The following ITGB5 variants were observed in gnomAD, a reference collection of about 807,000 sequenced individuals.
ITGB5 encodes integrin subunit beta 5.
Under a neutral mutation model 84.8 loss-of-function variants are expected in ITGB5, and 38 were observed. That is an observed-to-expected ratio of 0.45 (90% CI 0.35 to 0.59). The LOEUF is 0.59. Among genes scored for constraint, ITGB5 ranks in the 20% least tolerant of loss-of-function variants. ITGB5 has a pLI of 0.01. For missense variants in ITGB5, 905 were observed against 1,034.5 expected (o/e 0.87, Z 1.72); for synonymous variants, 393 against 414.4 (o/e 0.95, Z 0.63).
At chr3:124,846,740 C>A (rs769641757) in intron 4 of ITGB5, among the ~76,000 whole-genome samples, 2 of 152,150 alleles carry the variant, frequency 1.3e-5, no homozygotes, top group Non-Finnish European at 2.9e-5. Context: ...TCAAGACCAG[C>A]CTGGCCAACA....
chr3:124,803,422 G>T (rs1246969095), intron 9 of ITGB5, among the ~76,000 whole-genome samples: 1 of 152,160 alleles, frequency 6.6e-6, no homozygotes, highest in Non-Finnish European at 1.5e-5. Flanking sequence ...TTATAAAGCT[G>T]CTGTAAGAGG....
At chr3:124,793,762 T>G (rs2064182477) in intron 10 of ITGB5, among the ~76,000 whole-genome samples, 1 of 152,236 alleles carries the variant, frequency 6.6e-6, no homozygotes, top group Non-Finnish European at 1.5e-5. Context: ...CTATCATCAC[T>G]CTGCTGAGGA....
At chr3:124,866,230 G>C (rs1846612) in intron 2 of ITGB5, among the ~76,000 whole-genome samples, 1 of 151,802 alleles carries the variant, frequency 6.6e-6, no homozygotes, top group Non-Finnish European at 1.5e-5. Context: ...TGATCCACCC[G>C]CTTCAGCCTC....
At chr3:124,764,589 C>T in intron 13 of ITGB5, 32 bp from the exon 14 acceptor site, 2 of 1,584,098 alleles carry the variant, frequency 1.3e-6, no homozygotes, top group Non-Finnish European at 1.7e-6. Flanking sequence ...TAAGCAAAGC[C>T]ACTAGCATCA....
chr3:124,886,376 G>A lies in ITGB5; in HGVS notation c.70+555C>T, dbSNP rs577608856. Among the ~76,000 whole-genome samples, 1,047 of 152,224 alleles carry A rather than the reference G, an allele frequency of 6.9e-3. 4 individuals carry two copies. The highest frequency in any genetic ancestry group is 0.011 in the Non-Finnish European group (725 of 67,988). ...GGAGGGTGGGGGCTGCATCTTCAAAGGCAGGCGGCTAGCCTAGGCGCAGCG... is the reference window on the plus strand; with the variant it reads ...GGAGGGTGGGGGCTGCATCTTCAAAAGCAGGCGGCTAGCCTAGGCGCAGCG... On this transcript the variant is annotated intron_variant, in intron 1 of 14. Transcript: ENST00000296181.
At chr3:124,769,538 G>C (rs898041559) in intron 11 of ITGB5, 3 of 154,608 alleles carry the variant, frequency 1.9e-5, no homozygotes, top group Non-Finnish European at 2.9e-5. Context: ...CCCACATCAC[G>C]CCCTGGTCAT....
At chr3:124,818,020 C>T (rs1467332387) in intron 7 of ITGB5, among the ~76,000 whole-genome samples, 2 of 151,878 alleles carry the variant, frequency 1.3e-5, no homozygotes, top group African/African-American at 4.8e-5. Flanking sequence ...TCTGTAAAAG[C>T]CCATCTTCTA....
chr3:124,830,804 T>C (rs1469225696), intron 5 of ITGB5, among the ~76,000 whole-genome samples: 2 of 152,096 alleles, frequency 1.3e-5, no homozygotes, highest in Non-Finnish European at 2.9e-5. Flanking sequence ...GCCAACATGA[T>C]GAAATCCCGT....
chr3:124,871,857 T>A (rs546441708), intron 2 of ITGB5, among the ~76,000 whole-genome samples: 59 of 97,944 alleles, frequency 6.0e-4, no homozygotes, highest in South Asian at 5.8e-3. Flanking sequence ...AAATAAATAA[T>A]AAATAAATAA....
intron 10 of ITGB5, among the ~76,000 whole-genome samples, chr3:124,789,381 A>ACAGAACTGCCTTTAACTGGACAGGGTTAT (rs2064125315): frequency 7.3e-6 from 1 of 137,588 alleles, no homozygotes; most frequent in African/African-American, 2.9e-5. Context: ...GACAGGGTTA[A>ACAGAACTGCCTTTAACTGGACAGGGTTAT]CAGAACCGCC....
At chr3:124,842,758 C>T (rs904951710) in intron 4 of ITGB5, among the ~76,000 whole-genome samples, 6 of 152,218 alleles carry the variant, frequency 3.9e-5, no homozygotes, top group African/African-American at 1.2e-4. Context: ...GCCTTAGCAA[C>T]AGCTAGGAGG....
Position 124,796,417 on chromosome 3 carries a change from C to T in ITGB5, c.1664G>A (p.Cys555Tyr). The change falls in exon 10 of 15, where the codon TGT becomes TAT. Residue 555 changes from cysteine (C) to tyrosine (Y), a missense_variant. By Grantham distance (194) the Cys-to-Tyr change is radical. This residue lies in a region of ITGB5 where 656 missense variants were observed against 734.7 expected (regional missense o/e 0.89). Transcript: ENST00000296181. ...GCAGAGGACTCCCTTGTTCCTGGCA[C>T]AGGAGAAGTTGTCGCACTCACAGAA... is the stretch of plus-strand genomic sequence containing the variant. ...GPFCECDNFS[C>Y]ARNKGVLCSG... 6.2e-7 allele frequency: 1 copy of T among 1,613,236 alleles called. No homozygotes were observed. The highest frequency in any genetic ancestry group is 8.5e-7 in the Non-Finnish European group (1 of 1,179,502).
At chr3:124,771,764 A>G (rs1016325797) in intron 11 of ITGB5, among the ~76,000 whole-genome samples, 4 of 151,854 alleles carry the variant, frequency 2.6e-5, no homozygotes, top group African/African-American at 9.7e-5. Context: ...AAAAAAAAAA[A>G]AAAGGAATCG....
intron 1 of ITGB5, among the ~76,000 whole-genome samples, chr3:124,874,132 C>T (rs191809189): frequency 2.0e-5 from 3 of 150,042 alleles, no homozygotes; most frequent in Admixed American, 1.3e-4. Flanking sequence ...ATTTTGGAGG[C>T]GAAAGCAGGA....
At chr3:124,789,084 A>C (rs1459800497) in intron 10 of ITGB5, among the ~76,000 whole-genome samples, 1 of 152,242 alleles carries the variant, frequency 6.6e-6, no homozygotes, top group African/African-American at 2.4e-5. Flanking sequence ...AGTCACCTTC[A>C]AGACAGTACT....
chr3:124,781,486 T>C (rs1033175097), intron 10 of ITGB5, among the ~76,000 whole-genome samples: 5 of 152,090 alleles, frequency 3.3e-5, no homozygotes, highest in South Asian at 2.1e-4. Flanking sequence ...CTGGTGTTGA[T>C]TGTAGAAAAA....
upstream of ITGB5, among the ~76,000 whole-genome samples, chr3:124,889,032 C>G (rs1339051515): frequency 2.0e-5 from 3 of 152,108 alleles, no homozygotes; most frequent in Admixed American, 2.0e-4. Flanking sequence ...ATCACTAAGC[C>G]AGGAGAAAAA....
intron 2 of ITGB5, among the ~76,000 whole-genome samples, chr3:124,865,936 T>C (rs2065382758): frequency 6.6e-6 from 1 of 152,208 alleles, no homozygotes; most frequent in South Asian, 2.1e-4. Flanking sequence ...CACTGTTACA[T>C]GGAGGATAAG....
intron 3 of ITGB5, chr3:124,857,176 T>C (rs554704606): frequency 6.6e-6 from 1 of 152,342 alleles, no homozygotes; most frequent in African/African-American, 2.4e-5. Context: ...AAACTCTTGG[T>C]GCAGACCATA....
Sources: gnomAD v4.1 joint callset for allele counts (sites outside exome capture counted in the v4.1 genomes callset) on GRCh38, gnomAD v4.1.1 for gene constraint, gnomAD v4.1.1 regional missense constraint, MANE v1.5 for transcripts, NCBI Gene and HGNC (gene_info 2026-07-23, HGNC 2026-07-21) for gene names.